TLE4: variants seen among roughly 807,000 people sequenced by gnomAD.
The protein encoded by TLE4 is TLE family member 4, transcriptional corepressor.
In TLE4, 8 loss-of-function variants were observed where a neutral mutation model predicts 92.8. The ratio of observed to expected loss-of-function variants is 0.09; its 90% CI spans 0.05 to 0.16. TLE4 has a LOEUF of 0.16. Ranked by LOEUF, TLE4 falls within the 10% of genes least tolerant of loss-of-function variation. The pLI, the probability that TLE4 is intolerant of heterozygous loss-of-function variation, is 1.00. For synonymous variants in TLE4, 371 were observed against 374.1 expected, an observed-to-expected ratio of 0.99 and a Z score of 0.10; for missense variants, 675 against 997.6, an observed-to-expected ratio of 0.68 and a Z score of 4.36.
chr9:79,713,017 G>A (rs150952396), intron 14 of TLE4, among the ~76,000 whole-genome samples: 29 of 152,330 alleles, frequency 1.9e-4, no homozygotes, highest in Admixed American at 1.8e-3. Context: ...CCTTCAACGA[G>A]TATTTGTTGG....
rs751386775 is a variant in TLE4 at position 79,725,018 on chromosome 9, TTA to T, written c.2215-15_2215-14del. 2.5e-5 allele frequency: 40 copies of T among 1,585,360 alleles called. No individual in the cohort carries two copies. The Middle Eastern group carries it at 5.0e-4, about 20-fold the overall frequency. The stretch of plus-strand genomic sequence containing the variant: ...TTCTTTCAGTATTTAACATTTTTGA[TTA>T]TATGTTTCTTTCCTAGTCCAAAGAA... On this transcript the variant is annotated splice_polypyrimidine_tract_variant and intron_variant, in intron 19 of 19. Coordinates refer to ENST00000376552, the MANE Select transcript of TLE4 (RefSeq NM_007005.6).
intron 4 of TLE4, among the ~76,000 whole-genome samples, chr9:79,588,780 T>TG (rs2041838451): frequency 1.3e-5 from 2 of 152,104 alleles, no homozygotes; most frequent in African/African-American, 4.8e-5. Context: ...GGAGGAGAGA[T>TG]GGAGGTTCTT....
At chr9:79,704,988 A>G in intron 9 of TLE4, 86 bp downstream of exon 9, 1 of 1,551,602 alleles carries the variant, frequency 6.4e-7, no homozygotes, top group Non-Finnish European at 8.8e-7. Flanking sequence ...ACCAGCCAAC[A>G]CAGGAACACA....
At chr9:79,722,632 C>G in intron 18 of TLE4, 31 bp downstream of exon 18, 1 of 1,609,238 alleles carries the variant, frequency 6.2e-7, no homozygotes, top group South Asian at 1.1e-5. Flanking sequence ...CATTTTCTGT[C>G]AACCAGAATT....
At chr9:79,626,505 TG>T (rs2133514363) in intron 5 of TLE4, among the ~76,000 whole-genome samples, 1 of 152,086 alleles carries the variant, frequency 6.6e-6, no homozygotes, top group Admixed American at 6.5e-5. Context: ...GATACTAGAG[TG>T]GTCAAATGTT....
At chr9:79,635,289 CT>C (rs199698724) in intron 6 of TLE4, among the ~76,000 whole-genome samples, 11 of 150,030 alleles carry the variant, frequency 7.3e-5, no homozygotes, top group African/African-American at 2.2e-4. Context: ...ATCTTTGCCT[CT>C]TTTTTTTTCA....
At chr9:79,662,261 T>C (rs145221227) in intron 8 of TLE4, among the ~76,000 whole-genome samples, 221 of 152,338 alleles carry the variant, frequency 1.5e-3, no homozygotes, top group African/African-American at 5.2e-3. Flanking sequence ...GATTCTTGAA[T>C]CTTCTTTTTT....
intron 14 of TLE4, among the ~76,000 whole-genome samples, chr9:79,716,408 T>C (rs1379744713): frequency 9.9e-5 from 15 of 152,158 alleles, no homozygotes; most frequent in Non-Finnish European, 1.5e-5. Context: ...TATCTGAAAA[T>C]GTGTGTGTAT....
intron 12 of TLE4, 78 bp downstream of exon 12, chr9:79,708,328 T>G: frequency 6.7e-7 from 1 of 1,503,274 alleles, no homozygotes; most frequent in Non-Finnish European, 9.1e-7. Context: ...GTACAGTACA[T>G]TAAAAGTGCT....
chr9:79,667,968 C>G (rs1486322521), intron 8 of TLE4, among the ~76,000 whole-genome samples: 2 of 152,182 alleles, frequency 1.3e-5, no homozygotes, highest in Non-Finnish European at 2.9e-5. Context: ...TTTGAAGAGC[C>G]CTATTTAGTA....
At chr9:79,678,328 A>T (rs2063679218) in intron 8 of TLE4, among the ~76,000 whole-genome samples, 2 of 152,146 alleles carry the variant, frequency 1.3e-5, no homozygotes, top group African/African-American at 4.8e-5. Flanking sequence ...ATTGTATTTG[A>T]GTAAATGTCC....
At chr9:79,613,685 C>G (rs2048868423) in intron 5 of TLE4, among the ~76,000 whole-genome samples, 2 of 152,160 alleles carry the variant, frequency 1.3e-5, no homozygotes, top group Admixed American at 1.3e-4. Context: ...TGTTGTGTCA[C>G]TGCTTTTCAG....
At chr9:79,661,603 A>G (rs2060540102) in intron 8 of TLE4, among the ~76,000 whole-genome samples, 1 of 152,212 alleles carries the variant, frequency 6.6e-6, no homozygotes, top group African/African-American at 2.4e-5. Flanking sequence ...ATGCTTTTAA[A>G]TAAGGTTGCT....
At chr9:79,645,269 T>C (rs917165913) in intron 6 of TLE4, among the ~76,000 whole-genome samples, 1 of 152,220 alleles carries the variant, frequency 6.6e-6, no homozygotes, top group Non-Finnish European at 1.5e-5. Flanking sequence ...CAAAGTGTGC[T>C]CATTGCTACT....
chr9:79,574,998 A>G (rs1587570541), intron 3 of TLE4, 62 bp downstream of exon 3: 1 of 1,446,852 alleles, frequency 6.9e-7, no homozygotes, highest in East Asian at 2.3e-5. Flanking sequence ...AAACAAGAAT[A>G]TGTTTAAATT....
At chr9:79,670,960 T>A (rs1336774518) in intron 8 of TLE4, among the ~76,000 whole-genome samples, 1 of 152,066 alleles carries the variant, frequency 6.6e-6, no homozygotes, top group African/African-American at 2.4e-5. Context: ...AATATTTAAA[T>A]TAACTTGCAT....
chr9:79,633,741 C>T (rs974810723), intron 6 of TLE4, among the ~76,000 whole-genome samples: 1 of 152,128 alleles, frequency 6.6e-6, no homozygotes, highest in Non-Finnish European at 1.5e-5. Flanking sequence ...GATTTCCTGC[C>T]AGCAGTGTTT....
At chr9:79,641,874 G>C (rs551270550) in intron 6 of TLE4, among the ~76,000 whole-genome samples, 64 of 151,742 alleles carry the variant, frequency 4.2e-4, no homozygotes, top group Middle Eastern at 3.5e-3. Flanking sequence ...TGTTGGCCTG[G>C]TTTAGCGTTC....
intron 5 of TLE4, among the ~76,000 whole-genome samples, chr9:79,624,326 C>T (rs927390904): frequency 6.6e-6 from 1 of 152,108 alleles, no homozygotes; most frequent in Non-Finnish European, 1.5e-5. Flanking sequence ...GGTGCTTCCT[C>T]AGGCTGTGGC....
Sources: gnomAD v4.1 joint callset for allele counts (sites outside exome capture counted in the v4.1 genomes callset) on GRCh38, gnomAD v4.1.1 for gene constraint, MANE v1.5 for transcripts, NCBI Gene and HGNC (gene_info 2026-07-23, HGNC 2026-07-21) for gene names.